DSEL: variants seen among roughly 807,000 people sequenced by gnomAD.
The protein encoded by DSEL is dermatan sulfate epimerase like.
A neutral mutation model predicts 96.6 loss-of-function variants in DSEL; 61 were observed. That is an observed-to-expected ratio of 0.63 (90% CI 0.51 to 0.78). The LOEUF is 0.78. DSEL is among the 30% of genes least tolerant of loss of function. DSEL has a pLI of 0.00. For synonymous variants in DSEL, 514 were observed against 502.0 expected, an observed-to-expected ratio of 1.02 and a Z score of -0.32; for missense variants, 1,320 against 1,430.8, an observed-to-expected ratio of 0.92 and a Z score of 1.25.
At position 67,508,944 on chromosome 18, in the gene DSEL, C is replaced by G. The variant is rs1241281839; in HGVS notation, c.*2026G>C. ...AGAGACGGGGTTTCACCGTGTTAGC[C>G]AGGATGGTCTTGATCTCCTGACCTC... is the stretch of plus-strand genomic sequence containing the variant. On this transcript the variant is annotated 3_prime_UTR_variant, in exon 2 of 2. Coordinates refer to ENST00000310045, the MANE Select transcript of DSEL (RefSeq NM_032160.3). The G allele has an allele frequency of 6.6e-6, 1 of 152,168 alleles. No individual in the cohort carries two copies. Among genetic ancestry groups the G allele is most frequent in the African/African-American group, 2.4e-5 (1 of 41,382 alleles). The allele number at this position is 152,168 out of a possible 1,614,324, so 9.4% of individuals were successfully genotyped here.
chr18:67,511,790 T>G lies in DSEL; in HGVS notation c.2819A>C (p.His940Pro), dbSNP rs1298288034. ...GGCCAGTTTACCCCTATTGGGTTCA[T>G]GCAGATGGATGTTTTGCAAATGTAA... ...TKLHLQNIHL[H>P]EPNRGKLAQY... Residue 940 changes from histidine to proline, a missense_variant, in exon 2 of 2, where the codon CAT becomes CCT. Physicochemically the swap from His to Pro is moderately conservative, Grantham distance 77. Coordinates refer to ENST00000310045, the MANE Select transcript of DSEL (RefSeq NM_032160.3). 14 of 1,614,114 alleles carry G rather than the reference T, an allele frequency of 8.7e-6. No homozygotes were observed. Among genetic ancestry groups the G allele is most frequent in the Admixed American group, 1.7e-5 (1 of 60,000 alleles).
At position 67,509,809 on chromosome 18, in the gene DSEL, A is replaced by C. The variant is rs1483282735; in HGVS notation, c.*1161T>G. The C allele has an allele frequency of 1.3e-5, 2 of 152,636 alleles. No homozygotes were observed. The highest frequency in any genetic ancestry group is 4.8e-5 in the African/African-American group (2 of 41,454). 9.5% of individuals were successfully genotyped at this position (152,636 alleles called of 1,614,324 possible). ...CATTTTGATTTCAGAGCCTACCAAA[A>C]TAAAATAAACCACACTTTATGACGA... On this transcript the variant is annotated 3_prime_UTR_variant, in exon 2 of 2. Transcript: ENST00000310045.
In DSEL at chr18:67,514,077, C is replaced by T. The variant is rs1330930091; in HGVS notation, c.532G>A (p.Ala178Thr). The T allele has an allele frequency of 1.9e-6, 3 of 1,614,136 alleles. No homozygotes were observed. In the East Asian group the frequency reaches 6.7e-5, roughly 36 times the overall value. Residue 178 changes from alanine to threonine, a missense_variant, in exon 2 of 2, where the codon GCC becomes ACC. Physicochemically the swap from Ala to Thr is moderately conservative, Grantham distance 58. This residue lies in a region of DSEL where 323 missense variants were observed against 333.1 expected (regional missense o/e 0.97). Coordinates refer to ENST00000310045, the MANE Select transcript of DSEL (RefSeq NM_032160.3). ...VPIGHSLTGF[A>T]TAFDFLYNLL... ...TTATATAAAAAGTCAAAGGCAGTGG[C>T]AAAACCTGTTAAGGAATGGCCAATT... is the stretch of plus-strand genomic sequence containing the variant.
rs887195263 is a variant in DSEL, at chr18:67,508,209, C to A, written c.*2761G>T. 6.6e-6 allele frequency: 1 copy of A among 152,000 alleles called. No individual in the cohort carries two copies. The highest frequency in any genetic ancestry group is 2.4e-5 in the African/African-American group (1 of 41,368). The allele number at this position is 152,000 out of a possible 1,614,324, so 9.4% of individuals were successfully genotyped here. A position where few individuals can be genotyped will look rare whatever the true frequency, so the allele number is the denominator to read the frequency against. ...TCCCTCTTTTAATTATTTCAAAGAA[C>A]AAAAATAAGAGTAGAAGCTATTTAA... On this transcript the variant is annotated 3_prime_UTR_variant, in exon 2 of 2. Coordinates refer to ENST00000310045, the MANE Select transcript of DSEL (RefSeq NM_032160.3).
At position 67,514,664 on chromosome 18, in the gene DSEL, G is replaced by C. The variant is rs2089465794; in HGVS notation, c.-56C>G. On this transcript the variant is annotated 5_prime_UTR_variant, in exon 2 of 2. Coordinates refer to ENST00000310045, the MANE Select transcript of DSEL (RefSeq NM_032160.3). Reference sequence around the variant, plus strand: ...ACATGTCAGATATGATGCTCAATGTGTTTCCCATCTGGTTAGTATAAAACA... The same window carrying C: ...ACATGTCAGATATGATGCTCAATGTCTTTCCCATCTGGTTAGTATAAAACA... 1 of 1,582,306 alleles carries C rather than the reference G, an allele frequency of 6.3e-7. No individual in the cohort carries two copies. Among genetic ancestry groups the C allele is most frequent in the East Asian group, 2.2e-5 (1 of 44,710 alleles).
In DSEL at chr18:67,511,825, C is replaced by T; in HGVS notation, c.2784G>A (p.Gln928=). The T allele has an allele frequency of 6.2e-7, 1 of 1,614,064 alleles. No individual in the cohort carries two copies. Among genetic ancestry groups the T allele is most frequent in the Non-Finnish European group, 8.5e-7 (1 of 1,180,038 alleles). ...LLRGWLQSLV[Q]DTKLHLQNIH... ...TGTTTTGCAAATGTAATTTTGTGTC[C>T]TGGACTAAAGACTGCAACCAGCCTC... Residue 928 remains glutamine (Q), a synonymous_variant, in exon 2 of 2, where the codon CAG becomes CAA. Coordinates refer to ENST00000310045, the MANE Select transcript of DSEL (RefSeq NM_032160.3).
In DSEL at chr18:67,514,913, G is replaced by A. The variant is rs540161960; in HGVS notation, c.-305C>T. On this transcript the variant is annotated 5_prime_UTR_variant, in exon 2 of 2. Transcript: ENST00000310045. ...AAGTGATACAGGTAAAAAACACTATGAATTTAGCATTTACCTCCTTTACTT... is the reference window on the plus strand; with the variant it reads ...AAGTGATACAGGTAAAAAACACTATAAATTTAGCATTTACCTCCTTTACTT... 2.2e-3 allele frequency: 871 copies of A among 389,720 alleles called. 2 individuals carry two copies. The highest frequency in any genetic ancestry group is 5.6e-3 in the Middle Eastern group (8 of 1,430). The allele number at this position is 389,720 out of a possible 1,614,324, so 24.1% of individuals were successfully genotyped here.
At position 67,512,631 on chromosome 18, in the gene DSEL, G is replaced by A. The variant is rs778699136; in HGVS notation, c.1978C>T (p.Arg660Ter). 3.2e-5 allele frequency: 51 copies of A among 1,613,928 alleles called. No homozygotes were observed. Among genetic ancestry groups the A allele is most frequent in the Non-Finnish European group, 4.1e-5 (48 of 1,180,022 alleles). ...GTAACATTAACAAATTGAGTCCATC[G>A]TTTTTTAAATTCAGCAGCTTGCTCT... Reference protein sequence around the residue: ...EAEQAAEFKKRWTQFVNVTFQ... With the variant: ...EAEQAAEFKK The change falls in exon 2 of 2, where the codon CGA (arginine) becomes TGA (stop). Residue 660 changes from arginine to a stop codon, truncating the protein, a stop_gained. Coordinates refer to ENST00000310045, the MANE Select transcript of DSEL (RefSeq NM_032160.3). LOFTEE classifies it high-confidence loss of function.
At position 67,508,272 on chromosome 18, in the gene DSEL, A is replaced by G. The variant is rs1474085158; in HGVS notation, c.*2698T>C. On this transcript the variant is annotated 3_prime_UTR_variant, in exon 2 of 2. Transcript: ENST00000310045. ...TCACCCTAAGGGTGCAGGACCTGGG[A>G]ACATGCTGGGAGAGTCAATCCCCTT... is the stretch of plus-strand genomic sequence containing the variant. 3 of 152,170 alleles carry G rather than the reference A, an allele frequency of 2.0e-5. No homozygotes were observed. Among genetic ancestry groups the G allele is most frequent in the Non-Finnish European group, 4.4e-5 (3 of 68,036 alleles). The allele number at this position is 152,170 out of a possible 1,614,324, so 9.4% of individuals were successfully genotyped here.
Position 67,516,002 on chromosome 18 carries a change from G to T in DSEL, c.-885+359C>A, listed in dbSNP as rs1475193588. 6.6e-6 allele frequency among the ~76,000 whole-genome samples: 1 copy of T among 151,606 alleles called. No homozygotes were observed. Among genetic ancestry groups the T allele is most frequent in the African/African-American group, 2.4e-5 (1 of 41,196 alleles). Reference sequence around the variant, plus strand: ...ACTACTCGGACCAGTCACTTTTCTCGGCGGGGTAACCGCGAATCGTGACCA... The same window carrying T: ...ACTACTCGGACCAGTCACTTTTCTCTGCGGGGTAACCGCGAATCGTGACCA... On this transcript the variant is annotated intron_variant, in intron 1 of 1. Coordinates refer to ENST00000310045, the MANE Select transcript of DSEL (RefSeq NM_032160.3). The surrounding 1 kb of genome is among the most constrained non-coding windows in gnomAD (Gnocchi z 5.6).
chr18:67,513,763 G>A lies in DSEL; in HGVS notation c.846C>T (p.Tyr282=). ...CATACTGTGTGACGGATTTAGCTGT[G>A]TAGCTTCCATAGGCCACACCTTCAT... ...SLDEGVAYGS[Y]TAKSVTQYVF... is the part of the protein sequence containing the mutation. Residue 282 remains tyrosine (Y), a synonymous_variant, in exon 2 of 2, where the codon TAC becomes TAT. Coordinates refer to ENST00000310045, the MANE Select transcript of DSEL (RefSeq NM_032160.3). The A allele has an allele frequency of 6.2e-7, 1 of 1,614,194 alleles. No homozygotes were observed. The highest frequency in any genetic ancestry group is 8.5e-7 in the Non-Finnish European group (1 of 1,180,042).
Position 67,513,652 on chromosome 18 carries a change from A to T in DSEL, c.957T>A (p.Leu319=). 1 of 1,614,190 alleles carries T rather than the reference A, an allele frequency of 6.2e-7. No homozygotes were observed. The highest frequency in any genetic ancestry group is 8.5e-7 in the Non-Finnish European group (1 of 1,180,030). The change falls in exon 2 of 2, where the codon CTT becomes CTA. Residue 319 remains leucine, a synonymous_variant. Coordinates refer to ENST00000310045, the MANE Select transcript of DSEL (RefSeq NM_032160.3). ...KMHFWFYYAT[L]LPGFQRTVGI... is the part of the protein sequence containing the mutation. ...CCACAGTTCTTTGGAAGCCAGGTAA[A>T]AGGGTGGCATAATAGAACCAAAAGT...
Position 67,511,487 on chromosome 18 carries a change from A to C in DSEL, c.3122T>G (p.Leu1041Trp). ...RDPRAWIYSM[L>W]YNSKPSLYSL... is the part of the protein sequence containing the mutation. ...ATAAAGACTTGGTTTACTATTGTAC[A>C]ACATTGAATAAATCCATGCCCGAGG... The change falls in exon 2 of 2, where the codon TTG (leucine) becomes TGG (tryptophan). Residue 1041 changes from leucine (L) to tryptophan (W), a missense_variant. Around this residue, in one of 3 missense-constraint regions of DSEL, gnomAD observed 986 missense variants for 1,066.4 expected, o/e 0.92. Transcript: ENST00000310045. The C allele has an allele frequency of 6.2e-7, 1 of 1,612,340 alleles. No individual in the cohort carries two copies. The highest frequency in any genetic ancestry group is 1.1e-5 in the South Asian group (1 of 91,082).
In DSEL at chr18:67,512,485, G is replaced by T. The variant is rs950808305; in HGVS notation, c.2124C>A (p.Val708=). ...SNPGLQISLN[V]NNTEHVVSIV... The stretch of plus-strand genomic sequence containing the variant: ...TAGAAACAACATGTTCAGTATTATT[G>T]ACATTGAGAGAAATCTGAAGTCCAG... Residue 708 remains valine, a synonymous_variant, in exon 2 of 2, where the codon GTC becomes GTA. Transcript: ENST00000310045. 3 of 1,613,924 alleles carry T rather than the reference G, an allele frequency of 1.9e-6. No homozygotes were observed. Among genetic ancestry groups the T allele is most frequent in the Non-Finnish European group, 2.5e-6 (3 of 1,179,818 alleles).
rs751955859 is a variant in DSEL at position 67,510,883 on chromosome 18, C to T, written c.*87G>A. ...ACACGCGTGCACACACACACACACACTAAAGAATAAACAAACTCTTCTGAT... is the reference window on the plus strand; with the variant it reads ...ACACGCGTGCACACACACACACACATTAAAGAATAAACAAACTCTTCTGAT... On this transcript the variant is annotated 3_prime_UTR_variant, in exon 2 of 2. Transcript: ENST00000310045. 50 of 1,153,644 alleles carry T rather than the reference C, an allele frequency of 4.3e-5. No individual in the cohort carries two copies. The highest frequency in any genetic ancestry group is 5.9e-5 in the Non-Finnish European group (48 of 819,946). 71.5% of individuals were successfully genotyped at this position (1,153,644 alleles called of 1,614,324 possible). A position where few individuals can be genotyped will look rare whatever the true frequency, so the allele number is the denominator to read the frequency against.
chr18:67,511,377 C>T lies in DSEL; in HGVS notation c.3232G>A (p.Ala1078Thr). ...KGKCNLNSGY[A>T]FEYEPLRKEL... ...TTCCTCAATGGTTCATACTCGAAAG[C>T]ATAACCCGAATTTAAGTTACATTTG... The change falls in exon 2 of 2, where the codon GCT (alanine) becomes ACT (threonine). Residue 1078 changes from alanine (A) to threonine (T), a missense_variant. Ala to Thr is a moderately conservative substitution (Grantham distance 58). Around this residue, in one of 3 missense-constraint regions of DSEL, gnomAD observed 986 missense variants for 1,066.4 expected, o/e 0.92. Transcript: ENST00000310045. 3.7e-6 allele frequency: 6 copies of T among 1,603,200 alleles called. No individual in the cohort carries two copies. The highest frequency in any genetic ancestry group is 4.2e-6 in the Non-Finnish European group (5 of 1,179,952).
rs2089433748 is a variant in DSEL at position 67,510,235 on chromosome 18, G to T, written c.*735C>A. On this transcript the variant is annotated 3_prime_UTR_variant, in exon 2 of 2. Coordinates refer to ENST00000310045, the MANE Select transcript of DSEL (RefSeq NM_032160.3). ...CCAGGGAGGATAAAAAGTGAAAGGA[G>T]AGTTTTAAACAGACAATCATGTCTA... The T allele has an allele frequency of 6.6e-6, 1 of 152,118 alleles. No homozygotes were observed. Among genetic ancestry groups the T allele is most frequent in the Admixed American group, 6.6e-5 (1 of 15,266 alleles). The allele number at this position is 152,118 out of a possible 1,614,324, so 9.4% of individuals were successfully genotyped here. A position where few individuals can be genotyped will look rare whatever the true frequency, so the allele number is the denominator to read the frequency against.
Position 67,507,510 on chromosome 18 carries a change from T to C in DSEL, c.*3460A>G, listed in dbSNP as rs1939310879. 6.6e-6 allele frequency: 1 copy of C among 152,196 alleles called. No individual in the cohort carries two copies. Among genetic ancestry groups the C allele is most frequent in the Admixed American group, 6.5e-5 (1 of 15,278 alleles). 9.4% of individuals were successfully genotyped at this position (152,196 alleles called of 1,614,324 possible). On this transcript the variant is annotated 3_prime_UTR_variant, in exon 2 of 2. Coordinates refer to ENST00000310045, the MANE Select transcript of DSEL (RefSeq NM_032160.3). ...AAACAAAGCAATTCAAAAATTATCA[T>C]TAATATTTACTCACTTAAAATTGTG...
In DSEL at chr18:67,508,731, C is replaced by CTTTTTTTTTTTTTTT. The variant is rs71171183; in HGVS notation, c.*2224_*2238dup. The CTTTTTTTTTTTTTTT allele has an allele frequency of 7.9e-6, 1 of 126,810 alleles. No homozygotes were observed. Among genetic ancestry groups the CTTTTTTTTTTTTTTT allele is most frequent in the African/African-American group, 3.0e-5 (1 of 33,264 alleles). 7.9% of individuals were successfully genotyped at this position (126,810 alleles called of 1,614,324 possible). On this transcript the variant is annotated 3_prime_UTR_variant, in exon 2 of 2. Transcript: ENST00000310045. ...TGCCAACAGGTACATTTCTTTTTTT[C>CTTTTTTTTTTTTTTT]TTTTTTTTTTTTTTTTGAGGCGGAG...
Sources: allele counts gnomAD v4.1 joint callset (sites outside exome capture counted in the v4.1 genomes callset), GRCh38; gene constraint gnomAD v4.1.1; regional missense constraint gnomAD v4.1.1; non-coding constraint Gnocchi (gnomAD v3.1); transcripts MANE v1.5; gene names NCBI Gene and HGNC (gene_info 2026-07-23, HGNC 2026-07-21).